The following NID2 variants were observed in gnomAD, a reference collection of about 807,000 sequenced individuals.
NID2 encodes the protein nidogen-2.
Under a neutral mutation model 145.4 loss-of-function variants are expected in NID2, and 83 were observed. The ratio of observed to expected loss-of-function variants is 0.57; its 90% confidence interval spans 0.48 to 0.69. The LOEUF (loss-of-function observed/expected upper bound fraction) is 0.69, where lower values mean the gene tolerates loss of function less well. NID2 is among the 30% of genes least tolerant of loss of function. The pLI is 0.00. For missense variants in NID2, 1,807 were observed against 1,765.7 expected (o/e 1.02, Z -0.42); for synonymous variants, 739 against 701.3 (o/e 1.05, Z -0.85).
At chr14:52,015,919 C>T (rs993314120) in intron 14 of NID2, among the ~76,000 whole-genome samples, 8 of 152,144 alleles carry the variant, frequency 5.3e-5, no homozygotes, top group African/African-American at 1.9e-4. Flanking sequence ...GAGGTGGTGG[C>T]AAACAGCTTA....
Position 52,046,325 on chromosome 14 carries a change from A to AG in NID2, c.1430-3395_1430-3394insC, listed in dbSNP as rs1447079153. ...GCGACAGAGAGAGACTCCATCTCAA[A>AG]AAAAAAAAAAAAAAAAAGCCGTTTT... is the stretch of plus-strand genomic sequence containing the variant. On this transcript the variant is annotated intron_variant, in intron 5 of 21. Coordinates refer to ENST00000216286, the MANE Select transcript of NID2 (RefSeq NM_007361.4). 8.6e-3 allele frequency among the ~76,000 whole-genome samples: 431 copies of AG among 49,930 alleles called. 9 individuals carry two copies. The highest frequency in any genetic ancestry group is 0.042 in the African/African-American group (416 of 9,854). The allele number at this position is 49,930 out of a possible 152,430, so 32.8% of individuals were successfully genotyped here. A position where few individuals can be genotyped will look rare whatever the true frequency, so the allele number is the denominator to read the frequency against.
At chr14:52,058,586 T>C (rs775880502) in intron 3 of NID2, among the ~76,000 whole-genome samples, 5 of 152,134 alleles carry the variant, frequency 3.3e-5, no homozygotes, top group Admixed American at 6.5e-5. Context: ...TCACACGTGA[T>C]TGTGGATGTT....
At position 52,035,737 on chromosome 14, in the gene NID2, G is replaced by A. The variant is rs140496188; in HGVS notation, c.2257+3010C>T. On this transcript the variant is annotated intron_variant, in intron 9 of 21. Coordinates refer to ENST00000216286, the MANE Select transcript of NID2 (RefSeq NM_007361.4). ...TCTGTTGCACAGGCTGGAATGCGAT[G>A]GCACAATCTTGGCTCACTGCAACCT... Among the ~76,000 whole-genome samples, 717 of 151,750 alleles carry A rather than the reference G, an allele frequency of 4.7e-3. 18 individuals are homozygous for A. Among genetic ancestry groups the A allele is most frequent in the Non-Finnish European group, 1.3e-3 (91 of 67,930 alleles).
In NID2 at chr14:52,030,614, A is replaced by G. The variant is rs923112657; in HGVS notation, c.2258-924T>C. 4.4e-4 allele frequency among the ~76,000 whole-genome samples: 59 copies of G among 134,592 alleles called. 2 individuals carry two copies. Among genetic ancestry groups the G allele is most frequent in the East Asian group, 9.3e-4 (4 of 4,300 alleles). 88.3% of individuals were successfully genotyped at this position (134,592 alleles called of 152,430 possible). A position where few individuals can be genotyped will look rare whatever the true frequency, so the allele number is the denominator to read the frequency against. ...AGAAAGAAAGAAAGAAAGAGAAAGAAAAAGAAAGAAAGAGAAAGAAAGAGA... is the reference window on the plus strand; with the variant it reads ...AGAAAGAAAGAAAGAAAGAGAAAGAGAAAGAAAGAAAGAGAAAGAAAGAGA... On this transcript the variant is annotated intron_variant, in intron 9 of 21. Transcript: ENST00000216286.
chr14:52,006,885 A>G, intron 19 of NID2: 1 of 367,992 alleles, frequency 2.7e-6, no homozygotes. Flanking sequence ...GCATTTACTG[A>G]AATCTGGTAA....
intron 2 of NID2, among the ~76,000 whole-genome samples, chr14:52,062,474 A>G (rs995659984): frequency 6.6e-6 from 1 of 152,232 alleles, no homozygotes; most frequent in Non-Finnish European, 1.5e-5. Context: ...TCCATAAGAT[A>G]GTCGACATCA....
rs1157157263 is a variant in NID2, at chr14:52,042,888, G to T, written c.1473C>A (p.Asn491Lys). ...AGGCATGCCGGGAGCATTGTCTGTG[G>T]TTGTGTTCACAGGTTTCCTTGTTGG... ...NAANKETCEH[N>K]HRQCSRHAFC... The change falls in exon 6 of 22, where the codon AAC becomes AAA. Residue 491 changes from asparagine to lysine, a missense_variant. By Grantham distance (94) the Asn-to-Lys change is moderately conservative. Transcript: ENST00000216286. The T allele has an allele frequency of 6.3e-5, 101 of 1,614,104 alleles. No homozygotes were observed. Among genetic ancestry groups the T allele is most frequent in the Non-Finnish European group, 7.5e-5 (89 of 1,180,052 alleles).
At position 52,067,758 on chromosome 14, in the gene NID2, T is replaced by C. The variant is rs1893271406; in HGVS notation, c.534+100A>G. 1.0e-5 allele frequency: 14 copies of C among 1,372,116 alleles called. No individual in the cohort carries two copies. In the East Asian group the frequency reaches 2.8e-4, roughly 27 times the overall value. The allele number at this position is 1,372,116 out of a possible 1,614,324, so 85.0% of individuals were successfully genotyped here. A position where few individuals can be genotyped will look rare whatever the true frequency, so the allele number is the denominator to read the frequency against. ...TCCAAGGTCAGGTTCAGCGCAAGAG[T>C]AGGCTCAGAAACAACTCCGAGCCAG... On this transcript the variant is annotated intron_variant, in intron 2 of 21. Transcript: ENST00000216286.
intron 1 of NID2, 104 bp from the exon 2 acceptor site, chr14:52,068,267 C>G (rs75651404): frequency 0.076 from 86,948 of 1,145,390 alleles, 3,911 homozygotes; most frequent in Middle Eastern, 0.14. Flanking sequence ...AAGCCTCTCT[C>G]TCCTTCCCCA....
In NID2 at chr14:52,005,580, G is replaced by T; in HGVS notation, c.4118-84C>A. Reference sequence around the variant, plus strand: ...GCAACAGCAAGTCTTTGCATTTTGTGTATAAACTAGGTAGATTTAAGGTAG... The same window carrying T: ...GCAACAGCAAGTCTTTGCATTTTGTTTATAAACTAGGTAGATTTAAGGTAG... On this transcript the variant is annotated intron_variant, in intron 21 of 21. Coordinates refer to ENST00000216286, the MANE Select transcript of NID2 (RefSeq NM_007361.4). The T allele has an allele frequency of 2.6e-6, 4 of 1,510,026 alleles. No individual in the cohort carries two copies. In the South Asian group the frequency reaches 4.8e-5, roughly 18 times the overall value. The allele number at this position is 1,510,026 out of a possible 1,614,324, so 93.5% of individuals were successfully genotyped here. A position where few individuals can be genotyped will look rare whatever the true frequency, so the allele number is the denominator to read the frequency against.
At chr14:52,056,968 AC>A (rs1892866599) in intron 3 of NID2, among the ~76,000 whole-genome samples, 1 of 152,190 alleles carries the variant, frequency 6.6e-6, no homozygotes, top group South Asian at 2.1e-4. Flanking sequence ...ATAATTTATG[AC>A]CTTTGAGCTC....
intron 11 of NID2, 173 bp downstream of exon 11, chr14:52,028,549 C>A: frequency 1.5e-6 from 1 of 645,536 alleles, no homozygotes; most frequent in Non-Finnish European, 2.4e-6. Flanking sequence ...GCGATGATTA[C>A]AGGCGTGAGC....
At chr14:52,025,634 G>A (rs1490234377) in intron 12 of NID2, among the ~76,000 whole-genome samples, 1 of 152,220 alleles carries the variant, frequency 6.6e-6, no homozygotes, top group Non-Finnish European at 1.5e-5. Context: ...GGGACTCTCA[G>A]TAGAGGGCTG....
chr14:52,025,733 C>A (rs1891565637), intron 12 of NID2, among the ~76,000 whole-genome samples: 1 of 152,056 alleles, frequency 6.6e-6, no homozygotes, highest in African/African-American at 2.4e-5. Flanking sequence ...GCCTCTAGTT[C>A]CATTCCCAAG....
At chr14:52,051,777 G>T (rs114438725) in intron 5 of NID2, among the ~76,000 whole-genome samples, 5 of 152,128 alleles carry the variant, frequency 3.3e-5, no homozygotes, top group Non-Finnish European at 5.9e-5. Context: ...TCCAAAATGC[G>T]TATTAACCAG....
intron 12 of NID2, 102 bp downstream of exon 12, chr14:52,027,099 G>C: frequency 8.1e-7 from 1 of 1,230,616 alleles, no homozygotes; most frequent in Non-Finnish European, 1.1e-6. Context: ...GGCTGTTAGA[G>C]TCAAAGGAAG....
In NID2 at chr14:52,042,795, G is replaced by A; in HGVS notation, c.1566C>T (p.His522=). ...CQSKFYGNGK[H]CLPEGAPHRV... ...CCAGTCAATTACCTTCAGGCAGACA[G>A]TGCTTCCCATTTCCATAAAACTTGG... The change falls in exon 6 of 22, where the codon CAC becomes CAT. Residue 522 remains histidine (H), a synonymous_variant. Transcript: ENST00000216286. The A allele has an allele frequency of 6.2e-7, 1 of 1,614,096 alleles. No homozygotes were observed. Among genetic ancestry groups the A allele is most frequent in the Non-Finnish European group, 8.5e-7 (1 of 1,179,944 alleles).
rs60735637 is a variant in NID2, at chr14:52,035,856, G to GTATATATATATATATATATA, written c.2257+2871_2257+2890dup. Among the ~76,000 whole-genome samples the GTATATATATATATATATATA allele has an allele frequency of 4.4e-3, 287 of 65,184 alleles. 4 individuals are homozygous for GTATATATATATATATATATA. Among genetic ancestry groups the GTATATATATATATATATATA allele is most frequent in the East Asian group, 0.023 (60 of 2,592 alleles). 42.8% of individuals were successfully genotyped at this position (65,184 alleles called of 152,430 possible). ...ACCACACCTGGCTAAATTTTTTTGTGTATATATATATATATATATATATGT... is the reference window on the plus strand; with the variant it reads ...ACCACACCTGGCTAAATTTTTTTGTGTATATATATATATATATATATATATATATATATATATATATATGT... On this transcript the variant is annotated intron_variant, in intron 9 of 21. Coordinates refer to ENST00000216286, the MANE Select transcript of NID2 (RefSeq NM_007361.4).
intron 2 of NID2, among the ~76,000 whole-genome samples, chr14:52,062,312 G>C (rs980018417): frequency 1.3e-5 from 2 of 152,160 alleles, no homozygotes; most frequent in Non-Finnish European, 2.9e-5. Flanking sequence ...CAGGTGCCTA[G>C]TTTATTTGTT....
Sources: allele counts gnomAD v4.1 joint callset (sites outside exome capture counted in the v4.1 genomes callset), GRCh38; gene constraint gnomAD v4.1.1; transcripts MANE v1.5; gene names NCBI Gene and HGNC (gene_info 2026-07-23, HGNC 2026-07-21).